KIAA1191: variants seen among roughly 807,000 people sequenced by gnomAD.
The protein encoded by KIAA1191 is putative monooxygenase p33MONOX.
A neutral mutation model predicts 31.1 loss-of-function variants in KIAA1191; 22 were observed. The observed-to-expected ratio is 0.71, with a 90% CI of 0.51 to 1.01. The LOEUF is 1.01. Ranked by LOEUF, KIAA1191 falls within the 50% of genes least tolerant of loss-of-function variation. KIAA1191 has a pLI of 0.00. For missense variants in KIAA1191, 319 were observed against 388.0 expected, an observed-to-expected ratio of 0.82 and a Z score of 1.49; for synonymous variants, 130 against 143.9, an observed-to-expected ratio of 0.90 and a Z score of 0.69.
rs910776093 is a variant in KIAA1191, at chr5:176,355,981, TTTA to T, written c.29-235_29-233del. The T allele has an allele frequency of 2.9e-4, 147 of 503,856 alleles. 1 individual carries two copies. The highest frequency in any genetic ancestry group is 2.5e-3 in the African/African-American group (127 of 51,498). 31.2% of individuals were successfully genotyped at this position (503,856 alleles called of 1,614,324 possible). ...CACTCAGCCGTCCTAATCCTTTTTT[TTTA>T]TTATTTGTTTAGAGACACAGTCTAT... On this transcript the variant is annotated intron_variant, in intron 3 of 8. Coordinates refer to ENST00000298569, the MANE Select transcript of KIAA1191 (RefSeq NM_020444.5). The surrounding 1 kb of genome is among the most constrained non-coding windows in gnomAD (Gnocchi z 4.2).
chr5:176,356,112 G>A (rs952144780), intron 3 of KIAA1191: 9 of 239,762 alleles, frequency 3.8e-5, no homozygotes, highest in East Asian at 3.0e-4. Flanking sequence ...TTCTAGGCAT[G>A]TGCCACCATG....
At chr5:176,351,072 G>A (rs956311807) in intron 5 of KIAA1191, among the ~76,000 whole-genome samples, 2 of 152,220 alleles carry the variant, frequency 1.3e-5, no homozygotes, top group African/African-American at 2.4e-5. Flanking sequence ...GCTGGATGCA[G>A]TAGCTCACAC....
At chr5:176,353,078 C>T (rs1767180096) in intron 4 of KIAA1191, 1 of 198,816 alleles carries the variant, frequency 5.0e-6, no homozygotes, top group African/African-American at 2.3e-5. Flanking sequence ...TATTACGAAG[C>T]ACTGACCACA....
Position 176,347,823 on chromosome 5 carries a change from C to G in KIAA1191, c.710-15G>C, listed in dbSNP as rs376264346. The G allele has an allele frequency of 1.2e-6, 2 of 1,601,150 alleles. No individual in the cohort carries two copies. Among genetic ancestry groups the G allele is most frequent in the African/African-American group, 1.3e-5 (1 of 74,324 alleles). On this transcript the variant is annotated splice_polypyrimidine_tract_variant and intron_variant, in intron 8 of 8. Transcript: ENST00000298569. ...GGCAAAACTTCCTACAAAAGTGAAC[C>G]AGAGTGCAAATGATTTCAAAACCAG...
chr5:176,346,489 T>C lies in KIAA1191; in HGVS notation c.*1111A>G, dbSNP rs760368439. On this transcript the variant is annotated 3_prime_UTR_variant, in exon 9 of 9. Coordinates refer to ENST00000298569, the MANE Select transcript of KIAA1191 (RefSeq NM_020444.5). ...GACTATAATCTAACGGTATCTACCA[T>C]CTCCTTTACTTTAAAAAAGTTTAAT... 9.9e-5 allele frequency: 15 copies of C among 152,260 alleles called. No individual in the cohort carries two copies. The highest frequency in any genetic ancestry group is 2.2e-4 in the Non-Finnish European group (15 of 68,040). 9.4% of individuals were successfully genotyped at this position (152,260 alleles called of 1,614,324 possible). A position where few individuals can be genotyped will look rare whatever the true frequency, so the allele number is the denominator to read the frequency against.
chr5:176,355,947 C>A lies in KIAA1191; in HGVS notation c.29-198G>T. 1 of 605,280 alleles carries A rather than the reference C, an allele frequency of 1.7e-6. No individual in the cohort carries two copies. The highest frequency in any genetic ancestry group is 2.9e-6 in the Non-Finnish European group (1 of 341,334). The allele number at this position is 605,280 out of a possible 1,614,324, so 37.5% of individuals were successfully genotyped here. On this transcript the variant is annotated intron_variant, in intron 3 of 8. Coordinates refer to ENST00000298569, the MANE Select transcript of KIAA1191 (RefSeq NM_020444.5). This position sits in a 1 kb window ranked among gnomAD's most constrained non-coding sequence, Gnocchi z 4.2. ...TCTATGCCTGACACCTTGGGTGGTC[C>A]ACTTAACCCACTCAGCCGTCCTAAT...
At chr5:176,357,066 G>C (rs1370607335) in intron 3 of KIAA1191, 2 of 152,212 alleles carry the variant, frequency 1.3e-5, no homozygotes, top group African/African-American at 4.8e-5. Flanking sequence ...AGCACTTTGG[G>C]AGGCTGATGT....
In KIAA1191 at chr5:176,346,911, A is replaced by T. The variant is rs551274878; in HGVS notation, c.*689T>A. 6.6e-6 allele frequency: 1 copy of T among 152,380 alleles called. No individual in the cohort carries two copies. Among genetic ancestry groups the T allele is most frequent in the South Asian group, 2.1e-4 (1 of 4,828 alleles). The allele number at this position is 152,380 out of a possible 1,614,324, so 9.4% of individuals were successfully genotyped here. ...GCGAGTCAGTGAGCACCTCTAAGCC[A>T]TGATTTGTCAATGCTCACATGGATA... On this transcript the variant is annotated 3_prime_UTR_variant, in exon 9 of 9. Coordinates refer to ENST00000298569, the MANE Select transcript of KIAA1191 (RefSeq NM_020444.5).
chr5:176,356,195 G>C, intron 3 of KIAA1191: 1 of 200,102 alleles, frequency 5.0e-6, no homozygotes, highest in South Asian at 7.9e-5. Context: ...TCAAAGTACA[G>C]TTTGGAATCC....
At chr5:176,360,816 A>G (rs1377472480) in intron 1 of KIAA1191, among the ~76,000 whole-genome samples, 1 of 151,942 alleles carries the variant, frequency 6.6e-6, no homozygotes, top group East Asian at 1.9e-4. Flanking sequence ...TAAAAATTAA[A>G]AAAATTAAAA....
chr5:176,348,250 C>CTCTGCTTAGG lies in KIAA1191; in HGVS notation c.565_566insCCTAAGCAGA (p.Arg189ThrfsTer2). The CTCTGCTTAGG allele has an allele frequency of 6.2e-7, 1 of 1,613,532 alleles. No individual in the cohort carries two copies. The highest frequency in any genetic ancestry group is 1.1e-5 in the South Asian group (1 of 91,024). ...CGGAAGGGTCACAGGAAGGGCTCAC[C>CTCTGCTTAGG]TGGGCCTCTGCTTAGGTGAAGAGTG... is the stretch of plus-strand genomic sequence containing the variant. On this transcript the variant is annotated stop_gained and frameshift_variant and splice_region_variant, in exon 7 of 9. Coordinates refer to ENST00000298569, the MANE Select transcript of KIAA1191 (RefSeq NM_020444.5). LOFTEE classifies it high-confidence loss of function.
intron 3 of KIAA1191, 56 bp downstream of exon 3, chr5:176,359,425 A>C: frequency 2.6e-6 from 4 of 1,533,828 alleles, no homozygotes; most frequent in Non-Finnish European, 3.6e-6. Context: ...GTTTCTGTCT[A>C]GCTTAAAACA....
rs746925317 is a variant in KIAA1191, at chr5:176,347,729, C to T, written c.789G>A (p.Met263Ile). Residue 263 changes from methionine to isoleucine, a missense_variant, in exon 9 of 9, where the codon ATG (methionine) becomes ATA (isoleucine). By Grantham distance (10) the Met-to-Ile change is conservative (BLOSUM62 1). Transcript: ENST00000298569. ...LELIRAQANR[M>I]AEDPAALKPP... ...GCTTCAAGGCTGCTGGATCTTCAGC[C>T]ATTCGGTTGGCCTGGGCACGTATCA... is the stretch of plus-strand genomic sequence containing the variant. The T allele has an allele frequency of 1.9e-6, 3 of 1,610,098 alleles. No homozygotes were observed. The highest frequency in any genetic ancestry group is 3.4e-5 in the Admixed American group (2 of 59,136).
In KIAA1191 at chr5:176,359,390, A is replaced by G. The variant is rs190629487; in HGVS notation, c.28+91T>C. ...ACTCGCTTGGTAGCAGAGATTAACC[A>G]TTAATATATAGTTCCGATAAAATGG... On this transcript the variant is annotated intron_variant, in intron 3 of 8. Transcript: ENST00000298569. 1.5e-5 allele frequency: 17 copies of G among 1,135,424 alleles called. 1 individual carries two copies. The Admixed American group carries it at 2.7e-4, about 18-fold the overall frequency. 70.3% of individuals were successfully genotyped at this position (1,135,424 alleles called of 1,614,324 possible). A position where few individuals can be genotyped will look rare whatever the true frequency, so the allele number is the denominator to read the frequency against.
chr5:176,358,806 C>T (rs1158915876), intron 3 of KIAA1191, among the ~76,000 whole-genome samples: 3 of 151,924 alleles, frequency 2.0e-5, no homozygotes, highest in East Asian at 2.0e-4. Context: ...GGAGTTCCGC[C>T]GGGCACGGTG....
In KIAA1191 at chr5:176,355,625, G is replaced by A; in HGVS notation, c.153C>T (p.Gly51=). The change falls in exon 4 of 9, where the codon GGC becomes GGT. Residue 51 remains glycine (G), a synonymous_variant. Transcript: ENST00000298569. This position sits in a 1 kb window ranked among gnomAD's most constrained non-coding sequence, Gnocchi z 4.2. Reference sequence around the variant, plus strand: ...GAATCACTGGCTTCCAAGGGACGCTGCCCATGTCCGATGGAGGAGGAGTCA... The same window carrying A: ...GAATCACTGGCTTCCAAGGGACGCTACCCATGTCCGATGGAGGAGGAGTCA... ...APMTPPPSDM[G]SVPWKPVIPE... is the part of the protein sequence containing the mutation. 2 of 1,612,566 alleles carry A rather than the reference G, an allele frequency of 1.2e-6. No homozygotes were observed. The highest frequency in any genetic ancestry group is 1.7e-6 in the Non-Finnish European group (2 of 1,179,928).
At chr5:176,352,166 A>C (rs1767078617) in intron 5 of KIAA1191, among the ~76,000 whole-genome samples, 1 of 148,748 alleles carries the variant, frequency 6.7e-6, no homozygotes, top group Non-Finnish European at 1.5e-5. Context: ...AAAAAAAAAA[A>C]ACAAAAAAAA....
chr5:176,356,265 C>G (rs1382199305), intron 3 of KIAA1191: 3 of 163,094 alleles, frequency 1.8e-5, no homozygotes, highest in Admixed American at 1.3e-4. Flanking sequence ...GAAGCCACCC[C>G]CTACTGCAAT....
chr5:176,354,035 G>C (rs1361617273), intron 4 of KIAA1191, among the ~76,000 whole-genome samples: 2 of 152,220 alleles, frequency 1.3e-5, no homozygotes, highest in Non-Finnish European at 1.5e-5. Context: ...TGTCTGCCCT[G>C]AAAGTCTGTT....
Sources: gnomAD v4.1 joint callset for allele counts (sites outside exome capture counted in the v4.1 genomes callset) on GRCh38, gnomAD v4.1.1 for gene constraint, Gnocchi (gnomAD v3.1) non-coding constraint, MANE v1.5 for transcripts, NCBI Gene and HGNC (gene_info 2026-07-23, HGNC 2026-07-21) for gene names.